Variants in GPC5 observed in about 807,000 individuals in gnomAD.
GPC5 encodes the protein glypican 5.
A neutral mutation model predicts 53.9 loss-of-function variants in GPC5; 47 were observed. That is an observed-to-expected ratio of 0.87 (90% CI 0.69 to 1.11). The LOEUF is 1.11. Among genes scored for constraint, GPC5 ranks in the 50% most tolerant of loss-of-function variants. GPC5 has a pLI of 0.00. For synonymous variants in GPC5, 286 were observed against 263.3 expected (o/e 1.09, Z -0.84); for missense variants, 748 against 713.1 (o/e 1.05, Z -0.56).
At chr13:92,561,245 A>G (rs1242135867) in intron 7 of GPC5, among the ~76,000 whole-genome samples, 1 of 152,002 alleles carries the variant, frequency 6.6e-6, no homozygotes, top group Non-Finnish European at 1.5e-5. Flanking sequence ...TACGATCATT[A>G]TATTCCTTGC....
At chr13:92,736,792 C>A (rs973738136) in intron 7 of GPC5, among the ~76,000 whole-genome samples, 6 of 149,768 alleles carry the variant, frequency 4.0e-5, no homozygotes, top group Non-Finnish European at 5.9e-5. Context: ...ATGTTCAGAA[C>A]TATAGCTGTA....
At chr13:92,276,855 A>G (rs907680124) in intron 7 of GPC5, among the ~76,000 whole-genome samples, 1 of 152,116 alleles carries the variant, frequency 6.6e-6, no homozygotes, top group African/African-American at 2.4e-5. Flanking sequence ...GCATGATAAA[A>G]TTTTAGTATA....
intron 6 of GPC5, among the ~76,000 whole-genome samples, chr13:92,052,263 G>C (rs966337659): frequency 6.6e-6 from 1 of 152,168 alleles, no homozygotes; most frequent in African/African-American, 2.4e-5. Flanking sequence ...AGTGTGCCCG[G>C]GGTTGGTTCC....
At chr13:92,713,458 A>T (rs1194370882) in intron 7 of GPC5, among the ~76,000 whole-genome samples, 1 of 150,592 alleles carries the variant, frequency 6.6e-6, no homozygotes, top group African/African-American at 2.4e-5. Context: ...TACAAAAAAA[A>T]TTAGCTGGGT....
chr13:92,233,990 G>A (rs1352159628), intron 7 of GPC5, among the ~76,000 whole-genome samples: 10 of 152,016 alleles, frequency 6.6e-5, no homozygotes, highest in Non-Finnish European at 1.0e-4. Context: ...ACATGAACTC[G>A]TCATTTTTTA....
chr13:92,162,627 G>C (rs2041998067), intron 7 of GPC5, among the ~76,000 whole-genome samples: 1 of 152,186 alleles, frequency 6.6e-6, no homozygotes, highest in Non-Finnish European at 1.5e-5. Context: ...GAATGCTGGG[G>C]ATTCTTGGGA....
chr13:91,783,680 G>A (rs553678298), intron 5 of GPC5, among the ~76,000 whole-genome samples: 2 of 152,078 alleles, frequency 1.3e-5, no homozygotes, highest in Non-Finnish European at 2.9e-5. Flanking sequence ...GATCTCAAGC[G>A]ATCTGCCCGC....
At chr13:92,483,435 C>G (rs867054983) in intron 7 of GPC5, among the ~76,000 whole-genome samples, 1 of 152,080 alleles carries the variant, frequency 6.6e-6, no homozygotes, top group Non-Finnish European at 1.5e-5. Context: ...TACTGTAAAA[C>G]TACAGTGTAA....
chr13:92,795,260 A>G (rs1188582295), intron 7 of GPC5, among the ~76,000 whole-genome samples: 2 of 152,122 alleles, frequency 1.3e-5, no homozygotes, highest in African/African-American at 4.8e-5. Context: ...TCTTTGACAA[A>G]CCTACAAAAA....
intron 7 of GPC5, among the ~76,000 whole-genome samples, chr13:92,157,097 T>C (rs1160945156): frequency 6.6e-6 from 1 of 152,220 alleles, no homozygotes; most frequent in African/African-American, 2.4e-5. Context: ...TAATTCATAC[T>C]TGCACCAGCA....
In GPC5 at chr13:91,581,419, C is replaced by T. The variant is rs908289301; in HGVS notation, c.326-111768C>T. 3.3e-5 allele frequency among the ~76,000 whole-genome samples: 5 copies of T among 151,960 alleles called. No homozygotes were observed. In the East Asian group the frequency reaches 5.8e-4, roughly 18 times the overall value. ...TTTTCAGTTTTAATCTGACTTTGTC[C>T]CCCAGTTGACCCTTATACTCCTCCC... On this transcript the variant is annotated intron_variant, in intron 2 of 7. Coordinates refer to ENST00000377067, the MANE Select transcript of GPC5 (RefSeq NM_004466.6).
chr13:92,437,619 T>C (rs1877363713), intron 7 of GPC5, among the ~76,000 whole-genome samples: 1 of 152,134 alleles, frequency 6.6e-6, no homozygotes, highest in Admixed American at 6.6e-5. Context: ...TATGCTATAT[T>C]ATTTTTCTAT....
At chr13:91,760,060 A>G (rs1338453153) in intron 5 of GPC5, among the ~76,000 whole-genome samples, 1 of 152,102 alleles carries the variant, frequency 6.6e-6, no homozygotes, top group Non-Finnish European at 1.5e-5. Context: ...AAATGAAAAC[A>G]GGTGTTAAAG....
At chr13:92,499,123 G>C (rs1299956567) in intron 7 of GPC5, among the ~76,000 whole-genome samples, 3 of 152,096 alleles carry the variant, frequency 2.0e-5, no homozygotes, top group Non-Finnish European at 4.4e-5. Context: ...TTGGATGTAA[G>C]AATAGGACTC....
chr13:92,393,407 T>G (rs1875114857), intron 7 of GPC5, among the ~76,000 whole-genome samples: 1 of 152,154 alleles, frequency 6.6e-6, no homozygotes, highest in Non-Finnish European at 1.5e-5. Flanking sequence ...TCCAGCACTT[T>G]GGGAGGACAA....
chr13:92,835,700 A>G (rs1878196880), intron 7 of GPC5, among the ~76,000 whole-genome samples: 1 of 151,992 alleles, frequency 6.6e-6, no homozygotes, highest in Non-Finnish European at 1.5e-5. Context: ...TTTCTATGAA[A>G]TATTTTCTAA....
At chr13:92,182,813 G>A (rs1407805833) in intron 7 of GPC5, among the ~76,000 whole-genome samples, 1 of 151,804 alleles carries the variant, frequency 6.6e-6, no homozygotes, top group African/African-American at 2.4e-5. Flanking sequence ...AGCTTGCAGT[G>A]AGCCGAGATC....
chr13:92,379,573 C>T (rs2043721953), intron 7 of GPC5, among the ~76,000 whole-genome samples: 1 of 150,988 alleles, frequency 6.6e-6, no homozygotes, highest in Non-Finnish European at 1.5e-5. Flanking sequence ...ATATTAGTTC[C>T]TCTCTGTGCC....
chr13:92,239,877 A>C (rs2042598055), intron 7 of GPC5: 1 of 151,910 alleles, frequency 6.6e-6, no homozygotes, highest in Non-Finnish European at 1.5e-5. Flanking sequence ...TATTTAATAG[A>C]TCACCTAAGA....
Sources: allele counts gnomAD v4.1 joint callset (sites outside exome capture counted in the v4.1 genomes callset), GRCh38; gene constraint gnomAD v4.1.1; transcripts MANE v1.5; gene names NCBI Gene and HGNC (gene_info 2026-07-23, HGNC 2026-07-21).